Variants in SORCS3 observed in about 807,000 individuals in gnomAD.
SORCS3 encodes VPS10 domain-containing receptor SorCS3.
Under a neutral mutation model 146.3 loss-of-function variants are expected in SORCS3, and 57 were observed. The observed-to-expected ratio is 0.39, with a 90% confidence interval of 0.31 to 0.49. SORCS3 has a LOEUF of 0.49. Among genes scored for constraint, SORCS3 ranks in the 20% least tolerant of loss-of-function variants. The pLI, the probability that SORCS3 is intolerant of heterozygous loss-of-function variation, is 0.92. For missense variants in SORCS3, 1,341 were observed against 1,575.5 expected, an observed-to-expected ratio of 0.85 and a Z score of 2.52; for synonymous variants, 653 against 618.5, an observed-to-expected ratio of 1.06 and a Z score of -0.83.
At chr10:104,969,478 T>A (rs766260833) in intron 3 of SORCS3, among the ~76,000 whole-genome samples, 2 of 152,160 alleles carry the variant, frequency 1.3e-5, no homozygotes, top group Non-Finnish European at 2.9e-5. Context: ...ATGATTTGTA[T>A]GAGATTTTAA....
intron 1 of SORCS3, among the ~76,000 whole-genome samples, chr10:104,714,318 C>T (rs1447517201): frequency 6.6e-6 from 1 of 151,650 alleles, no homozygotes; most frequent in East Asian, 1.9e-4. Flanking sequence ...TACTATTTTT[C>T]CTCTAGTTTC....
At chr10:105,253,511 G>A (rs983042660) in intron 23 of SORCS3, among the ~76,000 whole-genome samples, 2 of 152,230 alleles carry the variant, frequency 1.3e-5, no homozygotes, top group African/African-American at 4.8e-5. Flanking sequence ...TGGAAGTAAA[G>A]GGGATGGCAG....
intron 11 of SORCS3, among the ~76,000 whole-genome samples, chr10:105,162,725 G>A (rs1252899228): frequency 6.6e-6 from 1 of 152,116 alleles, no homozygotes; most frequent in East Asian, 1.9e-4. Flanking sequence ...TGAAAGAGAG[G>A]CTAAAGATGT....
chr10:105,242,695 TAC>T (rs377365014), intron 20 of SORCS3, among the ~76,000 whole-genome samples: 934 of 90,034 alleles, frequency 0.01, 12 homozygotes, highest in African/African-American at 0.016. Flanking sequence ...TACATTTATA[TAC>T]ATTTATATAT....
intron 2 of SORCS3, among the ~76,000 whole-genome samples, chr10:104,862,379 G>T (rs2018414126): frequency 6.6e-6 from 1 of 152,174 alleles, no homozygotes; most frequent in Admixed American, 6.5e-5. Flanking sequence ...AAGCCCTGTG[G>T]AGTTTTGTCA....
intron 2 of SORCS3, among the ~76,000 whole-genome samples, chr10:104,906,114 G>A (rs117471184): frequency 7.7e-4 from 117 of 152,256 alleles, no homozygotes; most frequent in African/African-American, 2.5e-3. Flanking sequence ...ACAGGGCCCC[G>A]ACTGGCTCTA....
intron 3 of SORCS3, among the ~76,000 whole-genome samples, chr10:104,963,428 A>G (rs1273964004): frequency 6.6e-6 from 1 of 152,072 alleles, no homozygotes; most frequent in African/African-American, 2.4e-5. Flanking sequence ...CTCTTCCCTA[A>G]TATACTTTCT....
At chr10:105,021,351 A>T (rs2133688845) in intron 4 of SORCS3, among the ~76,000 whole-genome samples, 1 of 152,266 alleles carries the variant, frequency 6.6e-6, no homozygotes, top group East Asian at 1.9e-4. Flanking sequence ...CATTCATGAG[A>T]GTGGAACCCT....
intron 1 of SORCS3, among the ~76,000 whole-genome samples, chr10:104,677,342 T>G (rs1407103456): frequency 6.6e-6 from 1 of 152,228 alleles, no homozygotes. Flanking sequence ...TATTTGGTTT[T>G]CTAGCCTTGT....
chr10:104,665,462 A>G lies in SORCS3; in HGVS notation c.627+23508A>G, dbSNP rs548935021. 4.6e-5 allele frequency: 7 copies of G among 152,294 alleles called. No homozygotes were observed. The South Asian group carries it at 1.5e-3, about 32-fold the overall frequency. 9.4% of individuals were successfully genotyped at this position (152,294 alleles called of 1,614,324 possible). A position where few individuals can be genotyped will look rare whatever the true frequency, so the allele number is the denominator to read the frequency against. ...CACGGCACTCACAATTGTAGTAATC[A>G]CTTAGTCACTCTGAAATTCCAAGAG... is the stretch of plus-strand genomic sequence containing the variant. On this transcript the variant is annotated intron_variant, in intron 1 of 26. Coordinates refer to ENST00000369701, the MANE Select transcript of SORCS3 (RefSeq NM_014978.3).
chr10:104,979,816 A>C lies in SORCS3; in HGVS notation c.954+2323A>C, dbSNP rs143261285. 3.2e-3 allele frequency among the ~76,000 whole-genome samples: 486 copies of C among 152,326 alleles called. 5 individuals are homozygous for C. Among genetic ancestry groups the C allele is most frequent in the African/African-American group, 0.011 (453 of 41,570 alleles). ...AGATAGTCTGTGACTTTAGAGGCTT[A>C]GTATAGCCAGAAATTTTGAAACAGT... On this transcript the variant is annotated intron_variant, in intron 4 of 26. Coordinates refer to ENST00000369701, the MANE Select transcript of SORCS3 (RefSeq NM_014978.3).
intron 4 of SORCS3, among the ~76,000 whole-genome samples, chr10:105,010,514 A>G (rs2055128484): frequency 6.6e-6 from 1 of 152,248 alleles, no homozygotes; most frequent in African/African-American, 2.4e-5. Context: ...AGAAGCTTAG[A>G]AGATCAGGGA....
At chr10:105,208,846 C>T (rs1400953237) in intron 16 of SORCS3, among the ~76,000 whole-genome samples, 1 of 152,094 alleles carries the variant, frequency 6.6e-6, no homozygotes, top group African/African-American at 2.4e-5. Context: ...TGAGTCCATA[C>T]GAACTGTCAG....
At chr10:105,230,798 C>A (rs1298391242) in intron 20 of SORCS3, among the ~76,000 whole-genome samples, 1 of 152,162 alleles carries the variant, frequency 6.6e-6, no homozygotes, top group Non-Finnish European at 1.5e-5. Flanking sequence ...GGCCCCAGAG[C>A]AAGGCAAAGT....
intron 3 of SORCS3, among the ~76,000 whole-genome samples, chr10:104,934,403 A>G (rs2019239054): frequency 1.3e-5 from 2 of 152,200 alleles, no homozygotes; most frequent in African/African-American, 4.8e-5. Context: ...GGTAGCAGAT[A>G]ACTTTTCAAG....
rs78611445 is a variant in SORCS3, at chr10:105,018,445, C to G, written c.955-24610C>G. ...TCTCAAGGTTGGGGAGAGTTTTATG[C>G]AAATCACATGAACTAATTGGAGGAG... On this transcript the variant is annotated intron_variant, in intron 4 of 26. Coordinates refer to ENST00000369701, the MANE Select transcript of SORCS3 (RefSeq NM_014978.3). Among the ~76,000 whole-genome samples the G allele has an allele frequency of 6.5e-3, 990 of 152,290 alleles. 11 individuals carry two copies. Among genetic ancestry groups the G allele is most frequent in the African/African-American group, 0.023 (936 of 41,560 alleles).
rs790729 is a variant in SORCS3, at chr10:105,049,920, C to A, written c.1028+6792C>A. Among the ~76,000 whole-genome samples, 10 of 151,904 alleles carry A rather than the reference C, an allele frequency of 6.6e-5. No homozygotes were observed. The South Asian group carries it at 1.9e-3, about 28-fold the overall frequency. On this transcript the variant is annotated intron_variant, in intron 5 of 26. Coordinates refer to ENST00000369701, the MANE Select transcript of SORCS3 (RefSeq NM_014978.3). ...CAAATTTCAACGTCACACAATATAC[C>A]TTTGTAGGAAACCTGCACATGTACC...
At position 104,756,514 on chromosome 10, in the gene SORCS3, T is replaced by A. The variant is rs921538503; in HGVS notation, c.628-86278T>A. ...GTAAATAACTAGGAAGGGCAGGCAA[T>A]GCTTATTCAGCACCTTCTTCATAAA... On this transcript the variant is annotated intron_variant, in intron 1 of 26. Transcript: ENST00000369701. 2.0e-5 allele frequency among the ~76,000 whole-genome samples: 3 copies of A among 152,230 alleles called. No individual in the cohort carries two copies. The East Asian group carries it at 5.8e-4, about 29-fold the overall frequency.
intron 19 of SORCS3, among the ~76,000 whole-genome samples, chr10:105,220,662 A>G (rs769778425): frequency 6.6e-6 from 1 of 152,108 alleles, no homozygotes; most frequent in Non-Finnish European, 1.5e-5. Context: ...GAGAGATTTG[A>G]ATCTGGGCAT....
Sources: gnomAD v4.1 joint callset for allele counts (sites outside exome capture counted in the v4.1 genomes callset) on GRCh38, gnomAD v4.1.1 for gene constraint, MANE v1.5 for transcripts, NCBI Gene and HGNC (gene_info 2026-07-23, HGNC 2026-07-21) for gene names.